EPHB1: variants seen among roughly 807,000 people sequenced by gnomAD.
EPHB1 encodes the protein ephrin type-B receptor 1.
EPHB1 carries 30 observed loss-of-function variants against 94.4 expected under a neutral mutation model. The observed-to-expected ratio is 0.32, with a 90% CI of 0.24 to 0.43. The LOEUF is 0.43. Among genes scored for constraint, EPHB1 ranks in the 20% least tolerant of loss-of-function variants. The pLI, the probability that EPHB1 is intolerant of heterozygous loss-of-function variation, is 1.00. For missense variants in EPHB1, 1,055 were observed against 1,308.3 expected (o/e 0.81, Z 2.99); for synonymous variants, 522 against 489.1 (o/e 1.07, Z -0.89).
intron 3 of EPHB1, among the ~76,000 whole-genome samples, chr3:135,036,673 G>A (rs981297812): frequency 3.3e-5 from 5 of 152,116 alleles, no homozygotes; most frequent in African/African-American, 4.8e-5. Context: ...TATAAGCATG[G>A]GATAGGTTCC....
chr3:134,809,760 A>T (rs1334162431), intron 1 of EPHB1, among the ~76,000 whole-genome samples: 2 of 152,202 alleles, frequency 1.3e-5, no homozygotes, highest in Admixed American at 1.3e-4. Context: ...GAGCATGCAG[A>T]CTTCTGAGCA....
At chr3:135,030,255 T>G (rs10935152) in intron 3 of EPHB1, among the ~76,000 whole-genome samples, 1 of 152,100 alleles carries the variant, frequency 6.6e-6, no homozygotes, top group Non-Finnish European at 1.5e-5. Context: ...AGCTTTGTTC[T>G]GTTGCTGGTG....
rs563395543 is a variant in EPHB1, at chr3:135,079,096, A to C, written c.806-27352A>C. ...ATACGTAAAAACAAGCAAAAAAAAA[A>C]CAAAACAAACAAACAAGCAAAAACC... On this transcript the variant is annotated intron_variant, in intron 3 of 15. Transcript: ENST00000398015. Among the ~76,000 whole-genome samples the C allele has an allele frequency of 2.0e-3, 287 of 140,496 alleles. 2 individuals are homozygous for C. The highest frequency in any genetic ancestry group is 7.0e-3 in the African/African-American group (268 of 38,178). 92.2% of individuals were successfully genotyped at this position (140,496 alleles called of 152,430 possible).
intron 12 of EPHB1, among the ~76,000 whole-genome samples, chr3:135,232,682 G>C (rs1266742743): frequency 6.6e-6 from 1 of 152,124 alleles, no homozygotes; most frequent in Non-Finnish European, 1.5e-5. Context: ...AATATTTGCT[G>C]TATTAGTCTG....
chr3:135,114,100 T>C (rs1452310431), intron 4 of EPHB1, among the ~76,000 whole-genome samples: 1 of 152,234 alleles, frequency 6.6e-6, no homozygotes, highest in African/African-American at 2.4e-5. Flanking sequence ...AAATGCTGTC[T>C]GTTTGGGTCT....
chr3:134,941,746 CACACAG>C (rs1428661988), intron 2 of EPHB1, among the ~76,000 whole-genome samples: 9 of 105,552 alleles, frequency 8.5e-5, no homozygotes, highest in East Asian at 7.6e-4. Context: ...TTTACATATG[CACACAG>C]ACACACACAC....
In EPHB1 at chr3:134,995,269, A is replaced by G. The variant is rs371569847; in HGVS notation, c.805+43217A>G. Reference sequence around the variant, plus strand: ...GGGATGGGCTTTTTTTTCACTCAACATAATCTCAACCTGGATGGATCTCAT... The same window carrying G: ...GGGATGGGCTTTTTTTTCACTCAACGTAATCTCAACCTGGATGGATCTCAT... On this transcript the variant is annotated intron_variant, in intron 3 of 15. Transcript: ENST00000398015. 7.2e-5 allele frequency among the ~76,000 whole-genome samples: 11 copies of G among 152,314 alleles called. No individual in the cohort carries two copies. The East Asian group carries it at 1.3e-3, about 19-fold the overall frequency.
intron 1 of EPHB1, among the ~76,000 whole-genome samples, chr3:134,839,767 A>G (rs1321625463): frequency 1.3e-5 from 2 of 152,198 alleles, no homozygotes; most frequent in Non-Finnish European, 2.9e-5. Context: ...CCTATTAGGA[A>G]GCCCAACTGC....
At chr3:135,043,253 A>T (rs187734865) in intron 3 of EPHB1, among the ~76,000 whole-genome samples, 39 of 149,130 alleles carry the variant, frequency 2.6e-4, no homozygotes, top group African/African-American at 9.0e-4. Context: ...CACACATATC[A>T]AATAATAAAT....
At chr3:135,258,213 G>A (rs1026120015) in intron 15 of EPHB1, among the ~76,000 whole-genome samples, 13 of 152,132 alleles carry the variant, frequency 8.5e-5, no homozygotes, top group Admixed American at 3.3e-4. Context: ...GTTCCTATTC[G>A]GCCATCTTGG....
chr3:135,155,629 C>T (rs1941327865), intron 6 of EPHB1, among the ~76,000 whole-genome samples: 1 of 151,390 alleles, frequency 6.6e-6, no homozygotes, highest in Non-Finnish European at 1.5e-5. Flanking sequence ...CATAATGAAA[C>T]CCCATCTCTA....
chr3:135,100,516 C>T (rs1938997951), intron 3 of EPHB1, among the ~76,000 whole-genome samples: 1 of 152,152 alleles, frequency 6.6e-6, no homozygotes. Context: ...ATTTCCTCTT[C>T]CTGGCTGCTT....
intron 12 of EPHB1, among the ~76,000 whole-genome samples, chr3:135,224,734 A>G (rs1943353238): frequency 6.6e-6 from 1 of 152,220 alleles, no homozygotes; most frequent in Non-Finnish European, 1.5e-5. Context: ...TCCAGCCACC[A>G]TATACCAGTG....
chr3:134,888,480 C>T (rs144559186), intron 1 of EPHB1, among the ~76,000 whole-genome samples: 1,545 of 152,110 alleles, frequency 0.01, 34 homozygotes, highest in African/African-American at 0.035. Flanking sequence ...GAGGCAGAGG[C>T]GGGCACATCA....
At chr3:135,253,555 C>A (rs561037510) in intron 15 of EPHB1, among the ~76,000 whole-genome samples, 1 of 151,232 alleles carries the variant, frequency 6.6e-6, no homozygotes, top group Non-Finnish European at 1.5e-5. Context: ...GGGCTCTGTT[C>A]TGTTCCATTG....
intron 1 of EPHB1, among the ~76,000 whole-genome samples, chr3:134,923,939 T>C (rs779687189): frequency 6.6e-6 from 1 of 152,196 alleles, no homozygotes. Context: ...TCCCTGTTTG[T>C]TGAGTAGCTA....
At chr3:135,146,450 G>A (rs972098553) in intron 5 of EPHB1, among the ~76,000 whole-genome samples, 3 of 152,230 alleles carry the variant, frequency 2.0e-5, no homozygotes, top group Non-Finnish European at 4.4e-5. Context: ...AGAGGCAGTG[G>A]CAGGGCCATG....
chr3:135,114,536 C>CAAAAA, intron 4 of EPHB1, among the ~76,000 whole-genome samples: 1 of 19,908 alleles, frequency 5.0e-5, no homozygotes, highest in Non-Finnish European at 8.2e-5. Flanking sequence ...CCTGTCTCTA[C>CAAAAA]TAAAAAAAAA....
At chr3:134,996,431 C>T (rs1031703516) in intron 3 of EPHB1, among the ~76,000 whole-genome samples, 1 of 152,150 alleles carries the variant, frequency 6.6e-6, no homozygotes, top group Non-Finnish European at 1.5e-5. Context: ...AGTGATCTGT[C>T]CACCTCAGTT....
Sources: gnomAD v4.1 joint callset for allele counts (sites outside exome capture counted in the v4.1 genomes callset) on GRCh38, gnomAD v4.1.1 for gene constraint, MANE v1.5 for transcripts, NCBI Gene and HGNC (gene_info 2026-07-23, HGNC 2026-07-21) for gene names.